Variants in DNAH12 observed in about 807,000 individuals in gnomAD.
DNAH12 encodes the protein dynein axonemal heavy chain 12.
In DNAH12, 285 loss-of-function variants were observed where a neutral mutation model predicts 371.5. That is an observed-to-expected ratio of 0.77 (90% CI 0.70 to 0.85). The LOEUF (loss-of-function observed/expected upper bound fraction) is 0.85. Among genes scored for constraint, DNAH12 ranks in the 40% least tolerant of loss-of-function variants. The pLI, the probability that DNAH12 is intolerant of heterozygous loss-of-function variation, is 0.00. For missense variants in DNAH12, 3,611 were observed against 3,689.4 expected (o/e 0.98, Z 0.55); for synonymous variants, 1,200 against 1,213.0 (o/e 0.99, Z 0.22).
At chr3:57,299,024 T>G (rs2061292200) in intron 70 of DNAH12, among the ~76,000 whole-genome samples, 1 of 152,196 alleles carries the variant, frequency 6.6e-6, no homozygotes, top group Non-Finnish European at 1.5e-5. Flanking sequence ...AAGCCAGTTT[T>G]GCTCCATAGG....
At chr3:57,492,080 T>A (rs969958578) in intron 11 of DNAH12, among the ~76,000 whole-genome samples, 7 of 152,100 alleles carry the variant, frequency 4.6e-5, no homozygotes, top group Non-Finnish European at 2.9e-5. Context: ...AAGGATCACT[T>A]GAGCCCAGGA....
In DNAH12 at chr3:57,415,441, G is replaced by A. The variant is rs750276073; in HGVS notation, c.5838C>T (p.Ser1946=). 2.8e-4 allele frequency: 440 copies of A among 1,549,414 alleles called. No individual in the cohort carries two copies. The highest frequency in any genetic ancestry group is 3.7e-4 in the Non-Finnish European group (426 of 1,146,560). Residue 1946 remains serine, a synonymous_variant, in exon 38 of 74, where the codon AGC becomes AGT. Transcript: ENST00000495027. The part of the protein sequence containing the change: ...PFYINLSART[S]ANQVQNIIMA... ...TTAAACTAACCTGAACCTGATTGGCGCTGGTCCGTGCAGATAAGTTAATAT... is the reference window on the plus strand; with the variant it reads ...TTAAACTAACCTGAACCTGATTGGCACTGGTCCGTGCAGATAAGTTAATAT...
At chr3:57,338,003 C>T (rs563006873) in intron 60 of DNAH12, among the ~76,000 whole-genome samples, 7 of 152,234 alleles carry the variant, frequency 4.6e-5, no homozygotes, top group South Asian at 4.1e-4. Flanking sequence ...AAAATTGTTT[C>T]GCTCTCCCTC....
intron 29 of DNAH12, among the ~76,000 whole-genome samples, chr3:57,438,740 G>C (rs1281349089): frequency 6.6e-6 from 1 of 151,794 alleles, no homozygotes; most frequent in Non-Finnish European, 1.5e-5. Flanking sequence ...ATCATTTGAG[G>C]TCAGAGGTTC....
chr3:57,419,428 C>G lies in DNAH12; in HGVS notation c.5653G>C (p.Val1885Leu). ...DKQIKIQDII[V>L]PTMDTIRYTF... ...TATCTAATTGTGTCCATCGTAGGGA[C>G]TATGATATCTTGAATCTTGATTTGT... The change falls in exon 37 of 74, where the codon GTC (valine) becomes CTC (leucine). Residue 1885 changes from valine (V) to leucine (L), a missense_variant. This residue lies in a region of DNAH12 where 2,266 missense variants were observed against 2,236.9 expected (regional missense o/e 1.01). Coordinates refer to ENST00000495027, the MANE Select transcript of DNAH12 (RefSeq NM_001366028.2). 1 of 1,506,564 alleles carries G rather than the reference C, an allele frequency of 6.6e-7. No individual in the cohort carries two copies. The highest frequency in any genetic ancestry group is 8.8e-7 in the Non-Finnish European group (1 of 1,131,630). 93.3% of individuals were successfully genotyped at this position (1,506,564 alleles called of 1,614,324 possible).
chr3:57,405,182 A>T, intron 41 of DNAH12, 35 bp from the exon 42 acceptor site: 1 of 1,459,050 alleles, frequency 6.9e-7, no homozygotes, highest in Non-Finnish European at 9.0e-7. Context: ...TTAAAACTTA[A>T]AACATTTAAA....
At chr3:57,418,539 CAA>C (rs779250987) in intron 37 of DNAH12, among the ~76,000 whole-genome samples, 1 of 100,898 alleles carries the variant, frequency 9.9e-6, no homozygotes. Flanking sequence ...GACCCTGTCT[CAA>C]AAAAAAAAAC....
At chr3:57,304,428 T>C (rs1439692029) in intron 69 of DNAH12, among the ~76,000 whole-genome samples, 1 of 152,196 alleles carries the variant, frequency 6.6e-6, no homozygotes, top group Non-Finnish European at 1.5e-5. Context: ...GCCTTTTTTT[T>C]ACTCTCTTCT....
chr3:57,304,264 A>G (rs1167510272), intron 69 of DNAH12, among the ~76,000 whole-genome samples: 1 of 152,100 alleles, frequency 6.6e-6, no homozygotes, highest in Non-Finnish European at 1.5e-5. Context: ...AGCGAGTGAA[A>G]TTTGGTGCCA....
At chr3:57,522,244 T>TA (rs1159644696) in intron 4 of DNAH12, among the ~76,000 whole-genome samples, 2 of 151,736 alleles carry the variant, frequency 1.3e-5, no homozygotes, top group Non-Finnish European at 2.9e-5. Context: ...AATAAATAAA[T>TA]AAAAGAAAAA....
rs928543512 is a variant in DNAH12, at chr3:57,323,018, G to A, written c.10372C>T (p.Pro3458Ser). The change falls in exon 64 of 74, where the codon CCA becomes TCA. Residue 3458 changes from proline to serine, a missense_variant. Around this residue, in one of 3 missense-constraint regions of DNAH12, gnomAD observed 2,266 missense variants for 2,236.9 expected, o/e 1.01. Transcript: ENST00000495027. Reference protein sequence around the residue: ...SSFRLWLTSYPSSKFPVTILQ... With the variant: ...SSFRLWLTSYSSSKFPVTILQ... ...GGAAATAAACATACTTTTGAAGATG[G>A]ATAGCTTGTCAGCCAAAGCCTAAAG... 10 of 1,551,880 alleles carry A rather than the reference G, an allele frequency of 6.4e-6. No homozygotes were observed. The Admixed American group carries it at 9.8e-5, about 15-fold the overall frequency.
chr3:57,466,147 A>T (rs140613232), intron 17 of DNAH12, among the ~76,000 whole-genome samples: 202 of 152,270 alleles, frequency 1.3e-3, no homozygotes, highest in Non-Finnish European at 8.7e-4. Context: ...CTCCCTATAT[A>T]CAAGAAGAAA....
the DNAH12 span, among the ~76,000 whole-genome samples, chr3:57,555,327 A>C: frequency 3.3e-5 from 5 of 152,308 alleles, no homozygotes; most frequent in South Asian, 1.0e-3. Flanking sequence ...AATTGAATTT[A>C]ACTGAGATCC....
intron 60 of DNAH12, among the ~76,000 whole-genome samples, chr3:57,350,224 T>C (rs1443361516): frequency 6.6e-6 from 1 of 151,970 alleles, no homozygotes; most frequent in East Asian, 1.9e-4. Context: ...ATCTCAGAAA[T>C]CACCACTAAA....
Position 57,386,511 on chromosome 3 carries a change from C to T in DNAH12, c.7532G>A (p.Arg2511Gln), listed in dbSNP as rs1452984720. The change falls in exon 47 of 74, where the codon CGA (arginine) becomes CAA (glutamine). Residue 2511 changes from arginine (R) to glutamine (Q), a missense_variant. Physicochemically the swap from Arg to Gln is conservative, Grantham distance 43. This residue lies in a region of DNAH12 where 2,266 missense variants were observed against 2,236.9 expected (regional missense o/e 1.01). Transcript: ENST00000495027. ...TTGTTTTGCTTCCATGACAGCTTGT[C>T]GCTTCTGTGTCAAAAGCTGTCGAAA... ...GSFRQLLTQK[R>Q]QAVMEAKQRY... 6.6e-5 allele frequency: 10 copies of T among 152,272 alleles called. No individual in the cohort carries two copies. Among genetic ancestry groups the T allele is most frequent in the Non-Finnish European group, 1.2e-4 (8 of 68,030 alleles). The allele number at this position is 152,272 out of a possible 1,614,324, so 9.4% of individuals were successfully genotyped here.
intron 43 of DNAH12, 131 bp downstream of exon 43, chr3:57,403,178 G>T: frequency 1.1e-6 from 1 of 889,344 alleles, no homozygotes; most frequent in Non-Finnish European, 1.6e-6. Flanking sequence ...CACAGTAGAT[G>T]CTCTATGGAC....
intron 40 of DNAH12, among the ~76,000 whole-genome samples, chr3:57,406,565 C>T (rs2064035319): frequency 6.6e-6 from 1 of 151,972 alleles, no homozygotes; most frequent in African/African-American, 2.4e-5. Flanking sequence ...TATGGTTACA[C>T]CATTTAAAGG....
intron 5 of DNAH12, 114 bp downstream of exon 5, chr3:57,510,676 A>C: frequency 1.1e-6 from 1 of 885,942 alleles, no homozygotes; most frequent in Non-Finnish European, 1.7e-6. Flanking sequence ...AAAACCAGAT[A>C]TAGTTTAAAT....
At chr3:57,555,379 CCTATTTA>C in the DNAH12 span, among the ~76,000 whole-genome samples, 25 of 152,250 alleles carry the variant, frequency 1.6e-4, no homozygotes, top group South Asian at 5.2e-3. Context: ...ATAGAGTCTT[CCTATTTA>C]CTAACTAAAA....
Sources: gnomAD v4.1 joint callset for allele counts (sites outside exome capture counted in the v4.1 genomes callset) on GRCh38, gnomAD v4.1.1 for gene constraint, gnomAD v4.1.1 regional missense constraint, MANE v1.5 for transcripts, NCBI Gene and HGNC (gene_info 2026-07-23, HGNC 2026-07-21) for gene names.